LAMC1: variants seen among roughly 807,000 people sequenced by gnomAD.
LAMC1 encodes laminin subunit gamma-1.
In LAMC1, 38 loss-of-function variants were observed where a neutral mutation model predicts 173.6. The ratio of observed to expected loss-of-function variants is 0.22; its 90% CI spans 0.17 to 0.29. The LOEUF is 0.29. Ranked by LOEUF, LAMC1 falls within the 10% of genes least tolerant of loss-of-function variation. LAMC1 has a pLI of 1.00. For missense variants in LAMC1, 1,824 were observed against 2,051.8 expected, an observed-to-expected ratio of 0.89 and a Z score of 2.14; for synonymous variants, 746 against 749.1, an observed-to-expected ratio of 1.00 and a Z score of 0.07.
chr1:183,039,804 A>G (rs1207907970), intron 1 of LAMC1, among the ~76,000 whole-genome samples: 1 of 152,064 alleles, frequency 6.6e-6, no homozygotes, highest in Non-Finnish European at 1.5e-5. Context: ...TGTAGTACAG[A>G]TTTGTTTTCT....
intron 1 of LAMC1, among the ~76,000 whole-genome samples, chr1:183,045,595 TTTG>T (rs573280857): frequency 1.3e-3 from 201 of 152,166 alleles, no homozygotes; most frequent in Non-Finnish European, 1.0e-3. Context: ...TGATGGATTT[TTTG>T]TTGTTGTTGT....
intron 1 of LAMC1, among the ~76,000 whole-genome samples, chr1:183,075,624 T>C (rs917387240): frequency 5.9e-5 from 9 of 152,186 alleles, no homozygotes; most frequent in African/African-American, 2.2e-4. Flanking sequence ...CAGAAGGATG[T>C]GGCAAAACTA....
At chr1:183,085,195 G>A (rs1365794270) in intron 1 of LAMC1, among the ~76,000 whole-genome samples, 1 of 150,686 alleles carries the variant, frequency 6.6e-6, no homozygotes, top group Non-Finnish European at 1.5e-5. Context: ...TCCAGCCTGG[G>A]CAACAGAGTG....
Position 183,134,672 on chromosome 1 carries a change from A to G in LAMC1, c.3862A>G (p.Asn1288Asp). 1.9e-6 allele frequency: 3 copies of G among 1,610,398 alleles called. No homozygotes were observed. The highest frequency in any genetic ancestry group is 2.7e-5 in the African/African-American group (2 of 74,596). The change falls in exon 23 of 28, where the codon AAC (asparagine) becomes GAC (aspartate). Residue 1288 changes from asparagine (N) to aspartate (D), a missense_variant. Transcript: ENST00000258341. ...TTGCTTTTCACAGAATGAAGCAAAT[A>G]ACATAAAGATGGAAGCTGAGAATCT... ...DSETLENEAN[N>D]IKMEAENLEQ... is the part of the protein sequence containing the mutation.
intron 1 of LAMC1, among the ~76,000 whole-genome samples, chr1:183,069,126 G>A (rs1411250667): frequency 2.0e-5 from 3 of 152,118 alleles, no homozygotes; most frequent in Non-Finnish European, 4.4e-5. Flanking sequence ...GCTATATTGT[G>A]TATTACAACA....
intron 7 of LAMC1, 37 bp downstream of exon 7, chr1:183,116,712 G>C (rs924503685): frequency 6.2e-7 from 1 of 1,609,948 alleles, no homozygotes; most frequent in Non-Finnish European, 8.5e-7. Context: ...TGTGTTTTCT[G>C]TTACCATATT....
chr1:183,067,000 A>G (rs1654891503), intron 1 of LAMC1, among the ~76,000 whole-genome samples: 1 of 152,236 alleles, frequency 6.6e-6, no homozygotes, highest in Admixed American at 6.5e-5. Context: ...TCTGCCACAG[A>G]GCTTGGGCCA....
rs147837140 is a variant in LAMC1, at chr1:183,117,395, T to C, written c.1640T>C (p.Ile547Thr). 2.2e-5 allele frequency: 35 copies of C among 1,613,778 alleles called. No homozygotes were observed. In the African/African-American group the frequency reaches 3.3e-4, roughly 15 times the overall value. Residue 547 changes from isoleucine to threonine, a missense_variant, in exon 9 of 28, where the codon ATC becomes ACC. Transcript: ENST00000258341. ...SLEWSSERQD[I>T]AVISDSYFPR... ...GAGTGGTCCTCTGAGAGGCAAGATA[T>C]CGCCGTGATCTCAGACAGCTACTTT...
At chr1:183,079,177 A>G (rs539788395) in intron 1 of LAMC1, among the ~76,000 whole-genome samples, 6 of 148,244 alleles carry the variant, frequency 4.0e-5, no homozygotes, top group African/African-American at 1.5e-4. Flanking sequence ...AGAATGTTCA[A>G]CTTTCATTTG....
chr1:183,032,977 T>C (rs1653883993), intron 1 of LAMC1, among the ~76,000 whole-genome samples: 1 of 152,152 alleles, frequency 6.6e-6, no homozygotes, highest in Admixed American at 6.5e-5. Context: ...TTCAGAGCTA[T>C]GCATTTAATA....
intron 4 of LAMC1, among the ~76,000 whole-genome samples, chr1:183,112,020 C>T (rs1656172833): frequency 6.6e-6 from 1 of 152,192 alleles, no homozygotes; most frequent in African/African-American, 2.4e-5. Context: ...GCCTGGGCAA[C>T]AGAGTGAGAC....
intron 3 of LAMC1, among the ~76,000 whole-genome samples, chr1:183,108,857 A>G (rs1203597706): frequency 6.6e-6 from 1 of 152,244 alleles, no homozygotes; most frequent in East Asian, 1.9e-4. Context: ...AAGCAGCAGT[A>G]GAAAAGATGC....
intron 1 of LAMC1, among the ~76,000 whole-genome samples, chr1:183,055,438 T>TA (rs1189735363): frequency 1.3e-5 from 2 of 151,206 alleles, no homozygotes; most frequent in Non-Finnish European, 2.9e-5. Flanking sequence ...TTCTCATTTG[T>TA]AAAAAAAGTT....
chr1:183,064,451 C>T lies in LAMC1; in HGVS notation c.419-38877C>T, dbSNP rs1032516112. 2.0e-5 allele frequency among the ~76,000 whole-genome samples: 3 copies of T among 152,130 alleles called. No individual in the cohort carries two copies. In the South Asian group the frequency reaches 6.2e-4, roughly 31 times the overall value. On this transcript the variant is annotated intron_variant, in intron 1 of 27. Coordinates refer to ENST00000258341, the MANE Select transcript of LAMC1 (RefSeq NM_002293.4). ...CTTACTTACTGGCTTCAATATGCTT[C>T]TGGTCACAAAAACATAACCAAACAT...
rs549818447 is a variant in LAMC1 at position 183,061,268 on chromosome 1, TG to T, written c.418+37135del. Among the ~76,000 whole-genome samples, 10 of 152,300 alleles carry T rather than the reference TG, an allele frequency of 6.6e-5. 1 individual carries two copies. In the South Asian group the frequency reaches 2.1e-3, roughly 32 times the overall value. On this transcript the variant is annotated intron_variant, in intron 1 of 27. Transcript: ENST00000258341. ...TTCCATTTTAGTCTTTGGTTATTAGTGTGTGAAAACTCTGCCTAAATCCTGA... is the reference window on the plus strand; with the variant it reads ...TTCCATTTTAGTCTTTGGTTATTAGTTGTGAAAACTCTGCCTAAATCCTGA...
Position 183,121,654 on chromosome 1 carries a change from G to A in LAMC1, c.1991-69G>A, listed in dbSNP as rs142799211. The A allele has an allele frequency of 1.0e-3, 1,415 of 1,381,120 alleles. 11 individuals are homozygous for A. The African/African-American group carries it at 0.018, about 18-fold the overall frequency. The allele number at this position is 1,381,120 out of a possible 1,614,324, so 85.6% of individuals were successfully genotyped here. ...ATTTGGGGTCTAGTTACTTTTTAGTGTTACTGACTTTACACAAGGTTTGGA... is the reference window on the plus strand; with the variant it reads ...ATTTGGGGTCTAGTTACTTTTTAGTATTACTGACTTTACACAAGGTTTGGA... On this transcript the variant is annotated intron_variant, in intron 11 of 27. Coordinates refer to ENST00000258341, the MANE Select transcript of LAMC1 (RefSeq NM_002293.4).
intron 1 of LAMC1, among the ~76,000 whole-genome samples, chr1:183,029,254 G>A (rs184928842): frequency 1.3e-5 from 2 of 152,280 alleles, no homozygotes; most frequent in Admixed American, 6.5e-5. Flanking sequence ...TGTCTTGAAT[G>A]CTTATCTTTC....
intron 18 of LAMC1, among the ~76,000 whole-genome samples, chr1:183,129,236 C>T (rs1181500364): frequency 8.5e-6 from 1 of 118,104 alleles, no homozygotes; most frequent in Non-Finnish European, 1.8e-5. Context: ...CAGGCACATG[C>T]CCACCATGCC....
At chr1:183,138,190 AC>A in intron 26 of LAMC1, 1 of 967,112 alleles carries the variant, frequency 1.0e-6, no homozygotes, top group Non-Finnish European at 1.2e-6. Context: ...TTCTCCCAGC[AC>A]CTTTAGAGAC....
Sources: allele counts gnomAD v4.1 joint callset (sites outside exome capture counted in the v4.1 genomes callset), GRCh38; gene constraint gnomAD v4.1.1; transcripts MANE v1.5; gene names NCBI Gene and HGNC (gene_info 2026-07-23, HGNC 2026-07-21).